Variants in ULK4 observed in about 807,000 individuals in gnomAD.
ULK4 encodes inactive serine/threonine-protein kinase ULK4.
In ULK4, 133 loss-of-function variants were observed where a neutral mutation model predicts 160.6. The ratio of observed to expected loss-of-function variants is 0.83; its 90% CI spans 0.72 to 0.96. The LOEUF (loss-of-function observed/expected upper bound fraction) is 0.96, where lower values mean the gene tolerates loss of function less well. Among genes scored for constraint, ULK4 ranks in the 40% least tolerant of loss-of-function variants. The pLI, the probability that ULK4 is intolerant of heterozygous loss-of-function variation, is 0.00. For synonymous variants in ULK4, 534 were observed against 539.8 expected, an observed-to-expected ratio of 0.99 and a Z score of 0.15; for missense variants, 1,580 against 1,499.5, an observed-to-expected ratio of 1.05 and a Z score of -0.89.
chr3:41,678,332 C>T (rs547770215), intron 29 of ULK4, among the ~76,000 whole-genome samples: 19 of 152,076 alleles, frequency 1.2e-4, no homozygotes, highest in African/African-American at 4.3e-4. Flanking sequence ...GCATCTGGAA[C>T]GTGGGTATTA....
rs2125675505 is a variant in ULK4 at position 41,853,196 on chromosome 3, A to G, written c.1657-17225T>C. 1.3e-5 allele frequency among the ~76,000 whole-genome samples: 2 copies of G among 152,304 alleles called. 1 individual carries two copies. Among genetic ancestry groups the G allele is most frequent in the Middle Eastern group, 6.8e-3 (2 of 294 alleles). On this transcript the variant is annotated intron_variant, in intron 17 of 36. Coordinates refer to ENST00000301831, the MANE Select transcript of ULK4 (RefSeq NM_017886.4). ...TTCCTCAGAGTTTCTCATTTAGTAGATCTGGGGTAAGGCCTGAGAATTTGC... is the reference window on the plus strand; with the variant it reads ...TTCCTCAGAGTTTCTCATTTAGTAGGTCTGGGGTAAGGCCTGAGAATTTGC...
chr3:41,678,768 T>C (rs1022423206), intron 29 of ULK4, among the ~76,000 whole-genome samples: 2 of 152,202 alleles, frequency 1.3e-5, no homozygotes, highest in Non-Finnish European at 2.9e-5. Flanking sequence ...AAAAGTATTG[T>C]TTAAGGTCAA....
rs116320670 is a variant in ULK4 at position 41,837,288 on chromosome 3, T to C, written c.1657-1317A>G. On this transcript the variant is annotated intron_variant, in intron 17 of 36. Transcript: ENST00000301831. ...TTTAAAGTGTACAAATAGACACATT[T>C]GGCATATGTATACACCTGTGAAATC... is the stretch of plus-strand genomic sequence containing the variant. Among the ~76,000 whole-genome samples the C allele has an allele frequency of 4.8e-3, 736 of 152,314 alleles. 9 individuals carry two copies. The highest frequency in any genetic ancestry group is 0.017 in the African/African-American group (690 of 41,568).
chr3:41,683,855 C>T (rs1227723787), intron 27 of ULK4, among the ~76,000 whole-genome samples: 1 of 152,038 alleles, frequency 6.6e-6, no homozygotes, highest in Admixed American at 6.6e-5. Flanking sequence ...CTTTGCCACG[C>T]CTTGTGGGAA....
chr3:41,541,479 TC>T (rs1198848945), intron 32 of ULK4, among the ~76,000 whole-genome samples: 2 of 152,172 alleles, frequency 1.3e-5, no homozygotes, highest in African/African-American at 4.8e-5. Flanking sequence ...CCAGCTTTGT[TC>T]TTTTTGCTTA....
intron 31 of ULK4, among the ~76,000 whole-genome samples, chr3:41,571,749 G>T (rs2087981401): frequency 6.6e-6 from 1 of 152,168 alleles, no homozygotes; most frequent in Non-Finnish European, 1.5e-5. Context: ...ATTTAAGACT[G>T]AATCCCAGGG....
chr3:41,678,177 TACACAC>T (rs752843326), intron 29 of ULK4, among the ~76,000 whole-genome samples: 2,267 of 123,096 alleles, frequency 0.018, 34 homozygotes, highest in African/African-American at 0.036. Flanking sequence ...CTTTATTTCA[TACACAC>T]ACACACACAC....
chr3:41,311,960 A>ATTTAT (rs141914789), intron 35 of ULK4, among the ~76,000 whole-genome samples: 15,634 of 147,112 alleles, frequency 0.11, 1,611 homozygotes, highest in African/African-American at 0.26. Context: ...TCTAACACAC[A>ATTTAT]TTTATTTTAT....
intron 30 of ULK4, among the ~76,000 whole-genome samples, chr3:41,629,655 A>G (rs1350315711): frequency 6.6e-6 from 1 of 152,150 alleles, no homozygotes; most frequent in Admixed American, 6.5e-5. Context: ...GTAAAATATG[A>G]TCTACTACAG....
At chr3:41,721,373 T>A (rs1239219453) in intron 22 of ULK4, among the ~76,000 whole-genome samples, 9 of 128,654 alleles carry the variant, frequency 7.0e-5, no homozygotes, top group African/African-American at 2.4e-4. Flanking sequence ...TTTTTTTTTT[T>A]TTTTTTTTGA....
chr3:41,494,184 A>C, intron 32 of ULK4, among the ~76,000 whole-genome samples: 1 of 110,752 alleles, frequency 9.0e-6, no homozygotes, highest in Non-Finnish European at 2.0e-5. Flanking sequence ...TCCTCAATAA[A>C]ATACTGGCAA....
chr3:41,587,369 C>G (rs954714377), intron 31 of ULK4, among the ~76,000 whole-genome samples: 20 of 152,040 alleles, frequency 1.3e-4, no homozygotes, highest in African/African-American at 4.3e-4. Context: ...GCATAATCTC[C>G]CTATCTTAAG....
chr3:41,362,294 T>C (rs2081161979), intron 35 of ULK4, among the ~76,000 whole-genome samples: 1 of 152,176 alleles, frequency 6.6e-6, no homozygotes, highest in South Asian at 2.1e-4. Context: ...CTGGAATTTT[T>C]TTTAGAACAA....
intron 27 of ULK4, among the ~76,000 whole-genome samples, chr3:41,694,837 G>C (rs577990499): frequency 3.3e-5 from 5 of 152,040 alleles, no homozygotes; most frequent in Admixed American, 1.3e-4. Flanking sequence ...ATCTGCTGTT[G>C]GTTGAATCCA....
intron 35 of ULK4, among the ~76,000 whole-genome samples, chr3:41,386,673 C>T (rs72866640): frequency 0.026 from 3,904 of 152,220 alleles, 162 homozygotes; most frequent in African/African-American, 0.087. Flanking sequence ...AATTAGTCAC[C>T]AGACCTGGTT....
intron 31 of ULK4, among the ~76,000 whole-genome samples, chr3:41,608,109 A>G (rs2032474733): frequency 6.6e-6 from 1 of 152,200 alleles, no homozygotes; most frequent in Non-Finnish European, 1.5e-5. Context: ...TTGACTTTGT[A>G]TCAGTCTTTT....
intron 32 of ULK4, among the ~76,000 whole-genome samples, chr3:41,479,898 G>C (rs2084260866): frequency 6.6e-6 from 1 of 152,036 alleles, no homozygotes; most frequent in African/African-American, 2.4e-5. Context: ...ATACCAATGT[G>C]TATATTTGTA....
intron 4 of ULK4, among the ~76,000 whole-genome samples, chr3:41,935,219 T>A (rs1303502570): frequency 0.13 from 563 of 4,362 alleles, 21 homozygotes; most frequent in Middle Eastern, 0.25. Flanking sequence ...ATTTTTTTTT[T>A]TTTTTTTTTT....
At chr3:41,336,370 C>A (rs557852454) in intron 35 of ULK4, among the ~76,000 whole-genome samples, 1 of 152,190 alleles carries the variant, frequency 6.6e-6, no homozygotes, top group Non-Finnish European at 1.5e-5. Context: ...GAACTTCAAG[C>A]TCCCTCTGAA....
Sources: gnomAD v4.1 joint callset for allele counts (sites outside exome capture counted in the v4.1 genomes callset) on GRCh38, gnomAD v4.1.1 for gene constraint, MANE v1.5 for transcripts, NCBI Gene and HGNC (gene_info 2026-07-23, HGNC 2026-07-21) for gene names.